The following MRPS28 variants were observed in gnomAD, a reference collection of about 807,000 sequenced individuals.
MRPS28 encodes the protein mitochondrial ribosomal protein S28, also known as small ribosomal subunit protein bS1m.
A neutral mutation model predicts 10.8 loss-of-function variants in MRPS28; 7 were observed. The observed-to-expected ratio is 0.65, with a 90% CI of 0.37 to 1.22. MRPS28 has a LOEUF of 1.22. Among genes scored for constraint, MRPS28 ranks in the 50% most tolerant of loss-of-function variants. The pLI is 0.02. For synonymous variants in MRPS28, 121 were observed against 93.3 expected (o/e 1.30, Z -1.71); for missense variants, 265 against 232.9 (o/e 1.14, Z -0.90).
intron 2 of MRPS28, among the ~76,000 whole-genome samples, chr8:79,973,748 C>G (rs79369437): frequency 0.015 from 2,211 of 150,012 alleles, 59 homozygotes; most frequent in African/African-American, 0.051. Context: ...AACTTTGGAA[C>G]AGCAGCAGGT....
chr8:79,944,495 T>A (rs1046811187), intron 2 of MRPS28, among the ~76,000 whole-genome samples: 5 of 152,196 alleles, frequency 3.3e-5, no homozygotes, highest in Non-Finnish European at 7.3e-5. Context: ...TGAGATTTGC[T>A]TTCATGAGAC....
Position 79,951,731 on chromosome 8 carries a change from C to A in MRPS28, c.396-32583G>T, listed in dbSNP as rs141176527. Among the ~76,000 whole-genome samples the A allele has an allele frequency of 1.6e-4, 25 of 152,276 alleles. No homozygotes were observed. The East Asian group carries it at 4.4e-3, about 27-fold the overall frequency. ...TTTTCTTACTCTTAAAAGAGACACACGAAAGAGATGCCCCCTTTCCTGTAC... is the reference window on the plus strand; with the variant it reads ...TTTTCTTACTCTTAAAAGAGACACAAGAAAGAGATGCCCCCTTTCCTGTAC... On this transcript the variant is annotated intron_variant, in intron 2 of 2. Transcript: ENST00000276585.
At position 80,006,518 on chromosome 8, in the gene MRPS28, C is replaced by T. The variant is rs941886571; in HGVS notation, c.214-3338G>A. On this transcript the variant is annotated intron_variant, in intron 1 of 2. Coordinates refer to ENST00000276585, the MANE Select transcript of MRPS28 (RefSeq NM_014018.3). ...GAAAGGATCAACAAAATTGATAGAC[C>T]GCTAGCAAGGCTAATAAAGAAGAAA... Among the ~76,000 whole-genome samples the T allele has an allele frequency of 1.2e-4, 18 of 151,930 alleles. No individual in the cohort carries two copies. In the East Asian group the frequency reaches 1.5e-3, roughly 13 times the overall value.
At chr8:80,014,566 A>G (rs1025403347) in intron 1 of MRPS28, among the ~76,000 whole-genome samples, 1 of 152,208 alleles carries the variant, frequency 6.6e-6, no homozygotes, top group African/African-American at 2.4e-5. Flanking sequence ...AGGTCTGTGC[A>G]CTTAGAATCT....
chr8:79,984,608 A>C (rs963968070), intron 2 of MRPS28, among the ~76,000 whole-genome samples: 16 of 152,224 alleles, frequency 1.1e-4, no homozygotes, highest in Non-Finnish European at 2.9e-5. Context: ...AAACAAAAAA[A>C]GGCAGGGGTT....
chr8:80,006,773 TA>T (rs1404931463), intron 1 of MRPS28, among the ~76,000 whole-genome samples: 2 of 152,206 alleles, frequency 1.3e-5, no homozygotes, highest in African/African-American at 4.8e-5. Context: ...ATTGAGGCAA[TA>T]ATTAATAGCC....
At chr8:79,944,911 T>C (rs1806867009) in intron 2 of MRPS28, among the ~76,000 whole-genome samples, 1 of 152,024 alleles carries the variant, frequency 6.6e-6, no homozygotes, top group Admixed American at 6.6e-5. Flanking sequence ...TCCAGGCTAG[T>C]CTCGAATTCC....
At chr8:79,988,610 T>C (rs1808265378) in intron 2 of MRPS28, among the ~76,000 whole-genome samples, 1 of 152,146 alleles carries the variant, frequency 6.6e-6, no homozygotes, top group Non-Finnish European at 1.5e-5. Flanking sequence ...AAAATGGATA[T>C]GTATAAATGG....
chr8:79,958,094 A>C (rs1807275947), intron 2 of MRPS28: 1 of 303,400 alleles, frequency 3.3e-6, no homozygotes, highest in Non-Finnish European at 6.0e-6. Flanking sequence ...TACAGCTTTT[A>C]CCATAACCTA....
rs530670353 is a variant in MRPS28 at position 79,983,773 on chromosome 8, G to A, written c.395+19226C>T. ...AAGCCTCCAAGAAATATGGGACTATGTGAAAAGACCAAATCTATGTCTGAT... is the reference window on the plus strand; with the variant it reads ...AAGCCTCCAAGAAATATGGGACTATATGAAAAGACCAAATCTATGTCTGAT... On this transcript the variant is annotated intron_variant, in intron 2 of 2. Transcript: ENST00000276585. Among the ~76,000 whole-genome samples, 29 of 152,318 alleles carry A rather than the reference G, an allele frequency of 1.9e-4. No individual in the cohort carries two copies. In the East Asian group the frequency reaches 5.4e-3, roughly 28 times the overall value.
intron 1 of MRPS28, among the ~76,000 whole-genome samples, chr8:80,029,530 G>A (rs1478971817): frequency 1.3e-5 from 2 of 152,134 alleles, no homozygotes; most frequent in African/African-American, 2.4e-5. Context: ...GAGAGGTGAA[G>A]CGCTGACAAG....
chr8:79,953,807 C>A (rs916310939), intron 2 of MRPS28, among the ~76,000 whole-genome samples: 1 of 151,766 alleles, frequency 6.6e-6, no homozygotes, highest in Non-Finnish European at 1.5e-5. Flanking sequence ...GGGTTGCTAC[C>A]CAGATATATA....
intron 2 of MRPS28, among the ~76,000 whole-genome samples, chr8:79,958,939 T>A (rs928695453): frequency 3.9e-5 from 6 of 152,170 alleles, no homozygotes; most frequent in Admixed American, 3.3e-4. Context: ...GACATGGGGT[T>A]ACAATCTAGT....
At chr8:80,008,048 T>A (rs200366521) in intron 1 of MRPS28, among the ~76,000 whole-genome samples, 1 of 152,038 alleles carries the variant, frequency 6.6e-6, no homozygotes. Flanking sequence ...GTAACCAAAA[T>A]AGCATGATAC....
intron 2 of MRPS28, among the ~76,000 whole-genome samples, chr8:80,002,797 C>G (rs557017442): frequency 2.0e-5 from 3 of 152,198 alleles, no homozygotes; most frequent in Admixed American, 6.5e-5. Context: ...AACAACTGCT[C>G]TCACTGCTTT....
chr8:79,944,598 G>A (rs1371739980), intron 2 of MRPS28, among the ~76,000 whole-genome samples: 1 of 152,072 alleles, frequency 6.6e-6, no homozygotes, highest in Admixed American at 6.6e-5. Context: ...CCTAAGAGTA[G>A]GGCATAGCCA....
rs114099880 is a variant in MRPS28 at position 79,958,927 on chromosome 8, T to C, written c.396-39779A>G. Among the ~76,000 whole-genome samples, 828 of 152,242 alleles carry C rather than the reference T, an allele frequency of 5.4e-3. 6 individuals are homozygous for C. Among genetic ancestry groups the C allele is most frequent in the African/African-American group, 0.018 (760 of 41,552 alleles). On this transcript the variant is annotated intron_variant, in intron 2 of 2. Coordinates refer to ENST00000276585, the MANE Select transcript of MRPS28 (RefSeq NM_014018.3). Reference sequence around the variant, plus strand: ...TCTTGTACCAACACTGCCTTAAAGATAGACATGGGGTTACAATCTAGTTTT... The same window carrying C: ...TCTTGTACCAACACTGCCTTAAAGACAGACATGGGGTTACAATCTAGTTTT...
At chr8:79,976,296 T>C (rs1360814732) in intron 2 of MRPS28, among the ~76,000 whole-genome samples, 1 of 152,190 alleles carries the variant, frequency 6.6e-6, no homozygotes, top group African/African-American at 2.4e-5. Context: ...TTGATCAGGC[T>C]GGTCTCAAAC....
At chr8:79,919,270 G>C in intron 2 of MRPS28, 122 bp from the exon 3 acceptor site, 1 of 670,652 alleles carries the variant, frequency 1.5e-6, no homozygotes, top group Non-Finnish European at 2.2e-6. Flanking sequence ...GTTAACACTG[G>C]TATCTTAGAA....
Sources: allele counts gnomAD v4.1 joint callset (sites outside exome capture counted in the v4.1 genomes callset), GRCh38; gene constraint gnomAD v4.1.1; transcripts MANE v1.5; gene names NCBI Gene and HGNC (gene_info 2026-07-23, HGNC 2026-07-21).